The following ROBO1 variants were observed in gnomAD, a reference collection of about 807,000 sequenced individuals.
The protein encoded by ROBO1 is roundabout guidance receptor 1, also known as roundabout homolog 1.
Under a neutral mutation model 195.9 loss-of-function variants are expected in ROBO1, and 149 were observed. That is an observed-to-expected ratio of 0.76 (90% CI 0.67 to 0.87). The LOEUF is 0.87. Among genes scored for constraint, ROBO1 ranks in the 40% least tolerant of loss-of-function variants. ROBO1 has a pLI of 0.00. For missense variants in ROBO1, 1,933 were observed against 2,068.3 expected (o/e 0.93, Z 1.27); for synonymous variants, 816 against 733.2 (o/e 1.11, Z -1.82).
At chr3:78,762,849 C>CA (rs1262391940) in intron 4 of ROBO1, among the ~76,000 whole-genome samples, 6 of 151,052 alleles carry the variant, frequency 4.0e-5, no homozygotes, top group Admixed American at 6.6e-5. Context: ...ACAAAAGAAA[C>CA]AAAAAAAAGG....
chr3:79,129,315 C>T (rs182142798), intron 2 of ROBO1, among the ~76,000 whole-genome samples: 24 of 152,054 alleles, frequency 1.6e-4, no homozygotes, highest in Non-Finnish European at 2.1e-4. Flanking sequence ...AAATATTTTG[C>T]GATATGGCTT....
chr3:78,661,126 T>G lies in ROBO1; in HGVS notation c.2224A>C (p.Arg742=). Residue 742 remains arginine, a synonymous_variant, in exon 16 of 31, where the codon AGA becomes CGA. Coordinates refer to ENST00000464233, the MANE Select transcript of ROBO1 (RefSeq NM_002941.4). The part of the protein sequence containing the change: ...AKNSVVIPDL[R]KGVNYEIKAR... Reference sequence around the variant, plus strand: ...TTAATTTCATAGTTGACTCCCTTTCTGAGATCAGGGATTACCACACTGTTT... The same window carrying G: ...TTAATTTCATAGTTGACTCCCTTTCGGAGATCAGGGATTACCACACTGTTT... The G allele has an allele frequency of 6.2e-7, 1 of 1,613,792 alleles. No individual in the cohort carries two copies. The highest frequency in any genetic ancestry group is 1.1e-5 in the South Asian group (1 of 91,030).
intron 4 of ROBO1, among the ~76,000 whole-genome samples, chr3:78,906,611 C>G (rs1302494206): frequency 1.3e-5 from 2 of 152,046 alleles, no homozygotes; most frequent in African/African-American, 2.4e-5. Context: ...AACAAAGGAA[C>G]ATTAAACATT....
chr3:79,028,288 A>T (rs1305092123), intron 3 of ROBO1, among the ~76,000 whole-genome samples: 4 of 151,878 alleles, frequency 2.6e-5, no homozygotes, highest in Admixed American at 6.6e-5. Flanking sequence ...TTCACTTTGC[A>T]TATAAAGACT....
At chr3:79,024,410 C>A (rs375304555) in intron 3 of ROBO1, among the ~76,000 whole-genome samples, 1 of 152,282 alleles carries the variant, frequency 6.6e-6, no homozygotes, top group East Asian at 1.9e-4. Flanking sequence ...ATTATCTAAT[C>A]TAATTCTCAC....
At chr3:79,037,524 A>G (rs559819922) in intron 3 of ROBO1, among the ~76,000 whole-genome samples, 3 of 152,298 alleles carry the variant, frequency 2.0e-5, no homozygotes, top group African/African-American at 7.2e-5. Flanking sequence ...TTGATGTCAG[A>G]AGGAATAAAT....
intron 8 of ROBO1, among the ~76,000 whole-genome samples, chr3:78,702,598 C>T (rs1166342315): frequency 6.6e-6 from 1 of 152,154 alleles, no homozygotes; most frequent in African/African-American, 2.4e-5. Flanking sequence ...ATGATAAGAG[C>T]AGAAAAGTAA....
In ROBO1 at chr3:79,590,675, A is replaced by G. The variant is rs187425252; in HGVS notation, c.-50-714T>C. ...TATATGGAAGAAGTGGCATTTTGAGATATGAGATAATATCCAATAAGTGGA... is the reference window on the plus strand; with the variant it reads ...TATATGGAAGAAGTGGCATTTTGAGGTATGAGATAATATCCAATAAGTGGA... On this transcript the variant is annotated intron_variant, in intron 1 of 30. Transcript: ENST00000464233. 3.4e-3 allele frequency among the ~76,000 whole-genome samples: 515 copies of G among 151,900 alleles called. 6 individuals are homozygous for G. The highest frequency in any genetic ancestry group is 0.012 in the African/African-American group (500 of 41,526).
chr3:78,736,551 T>G (rs2082396891), intron 5 of ROBO1, among the ~76,000 whole-genome samples: 1 of 152,088 alleles, frequency 6.6e-6, no homozygotes, highest in African/African-American at 2.4e-5. Context: ...ACATTACAGA[T>G]AGAAAACCAC....
At chr3:78,978,444 C>T (rs1041703381) in intron 3 of ROBO1, among the ~76,000 whole-genome samples, 9 of 152,020 alleles carry the variant, frequency 5.9e-5, no homozygotes, top group African/African-American at 1.2e-4. Context: ...ATACTAATGG[C>T]GACAGGCACT....
intron 2 of ROBO1, among the ~76,000 whole-genome samples, chr3:79,207,303 C>A (rs1306186624): frequency 6.6e-6 from 1 of 152,072 alleles, no homozygotes; most frequent in African/African-American, 2.4e-5. Context: ...TGTCATAAAA[C>A]AATGCCTCTT....
intron 2 of ROBO1, among the ~76,000 whole-genome samples, chr3:79,183,733 C>A (rs1181502663): frequency 6.6e-6 from 1 of 152,174 alleles, no homozygotes; most frequent in Admixed American, 6.5e-5. Flanking sequence ...ATATTGCCCC[C>A]AGGGCTATCC....
At position 78,892,260 on chromosome 3, in the gene ROBO1, G is replaced by A. The variant is rs144636999; in HGVS notation, c.499+46341C>T. On this transcript the variant is annotated intron_variant, in intron 4 of 30. Coordinates refer to ENST00000464233, the MANE Select transcript of ROBO1 (RefSeq NM_002941.4). ...GCAAACCCTATTGTGAAGTGCACAT[G>A]TGAGGGACTTAGGTTGCATCCTCCT... Among the ~76,000 whole-genome samples, 7 of 152,284 alleles carry A rather than the reference G, an allele frequency of 4.6e-5. No individual in the cohort carries two copies. The East Asian group carries it at 1.2e-3, about 25-fold the overall frequency.
At chr3:79,428,659 T>C (rs76231395) in intron 2 of ROBO1, among the ~76,000 whole-genome samples, 1,622 of 152,264 alleles carry the variant, frequency 0.011, 29 homozygotes, top group African/African-American at 0.037. Context: ...GGAAAACACA[T>C]GCCCACATGA....
chr3:79,508,250 T>A (rs1460463596), intron 2 of ROBO1, among the ~76,000 whole-genome samples: 2 of 151,084 alleles, frequency 1.3e-5, no homozygotes, highest in East Asian at 4.0e-4. Context: ...ACTTAAAGTA[T>A]AATAATAAAA....
At chr3:78,853,496 T>G (rs1457547114) in intron 4 of ROBO1, among the ~76,000 whole-genome samples, 3 of 151,654 alleles carry the variant, frequency 2.0e-5, no homozygotes, top group African/African-American at 7.3e-5. Context: ...TGTATTTATT[T>G]ATATATTGTG....
At chr3:78,803,207 C>T (rs2084421683) in intron 4 of ROBO1, among the ~76,000 whole-genome samples, 1 of 152,130 alleles carries the variant, frequency 6.6e-6, no homozygotes, top group Non-Finnish European at 1.5e-5. Context: ...TCTCCATCTG[C>T]AAACAGGAAA....
intron 2 of ROBO1, among the ~76,000 whole-genome samples, chr3:79,523,291 G>A (rs892886513): frequency 6.6e-5 from 10 of 151,692 alleles, no homozygotes; most frequent in Admixed American, 3.3e-4. Context: ...GTGAGGTAAT[G>A]TATTTGTTAA....
At chr3:79,465,200 C>T (rs1471606588) in intron 2 of ROBO1, among the ~76,000 whole-genome samples, 1 of 152,000 alleles carries the variant, frequency 6.6e-6, no homozygotes, top group African/African-American at 2.4e-5. Context: ...TTTATCTGTT[C>T]ATAGATGTAA....
Sources: allele counts gnomAD v4.1 joint callset (sites outside exome capture counted in the v4.1 genomes callset), GRCh38; gene constraint gnomAD v4.1.1; transcripts MANE v1.5; gene names NCBI Gene and HGNC (gene_info 2026-07-23, HGNC 2026-07-21).